The following OR5H15 variants were observed in gnomAD, a reference collection of about 807,000 sequenced individuals.
OR5H15 encodes olfactory receptor 5H15.
For missense variants in OR5H15, 405 were observed against 366.1 expected (o/e 1.11, Z -0.87); for synonymous variants, 153 against 129.1 (o/e 1.19, Z -1.26).
intron 1 of OR5H15, among the ~76,000 whole-genome samples, chr3:98,168,325 A>G (rs1003201264): frequency 6.6e-6 from 1 of 152,056 alleles, no homozygotes; most frequent in Non-Finnish European, 1.5e-5. Flanking sequence ...GATTCTTCAT[A>G]TGGCACTCAT....
Position 98,168,885 on chromosome 3 carries a change from C to T in OR5H15, c.186C>T (p.Leu62=), listed in dbSNP as rs750989678. ...DPHLHIPMYL[L]LGNLAFVDAW... is the part of the protein sequence containing the mutation. ...ACCTTCATATCCCAATGTACTTACT[C>T]CTTGGGAATTTAGCTTTTGTGGATG... The change falls in exon 2 of 2, where the codon CTC becomes CTT. Residue 62 remains leucine (L), a synonymous_variant. Coordinates refer to ENST00000641450, the MANE Select transcript of OR5H15 (RefSeq NM_001005515.2). 9 of 1,613,402 alleles carry T rather than the reference C, an allele frequency of 5.6e-6. No homozygotes were observed. The highest frequency in any genetic ancestry group is 1.1e-5 in the South Asian group (1 of 91,058).
In OR5H15 at chr3:98,168,904, G is replaced by A. The variant is rs201094282; in HGVS notation, c.205G>A (p.Val69Met). The A allele has an allele frequency of 1.2e-6, 2 of 1,613,378 alleles. No homozygotes were observed. The highest frequency in any genetic ancestry group is 1.1e-5 in the South Asian group (1 of 91,064). The change falls in exon 2 of 2, where the codon GTG becomes ATG. Residue 69 changes from valine (V) to methionine (M), a missense_variant. Val to Met is a conservative substitution (Grantham distance 21). Transcript: ENST00000641450. ...CTTACTCCTTGGGAATTTAGCTTTT[G>A]TGGATGCTTGGATATCATCCACAGT... ...MYLLLGNLAFVDAWISSTVTP... is the reference protein window; with the variant it reads ...MYLLLGNLAFMDAWISSTVTP...
At position 98,169,121 on chromosome 3, in the gene OR5H15, G is replaced by T; in HGVS notation, c.422G>T (p.Cys141Phe). The T allele has an allele frequency of 6.2e-7, 1 of 1,613,542 alleles. No homozygotes were observed. The highest frequency in any genetic ancestry group is 8.5e-7 in the Non-Finnish European group (1 of 1,179,632). Residue 141 changes from cysteine to phenylalanine, a missense_variant, in exon 2 of 2, where the codon TGC (cysteine) becomes TTC (phenylalanine). Transcript: ENST00000641450. The stretch of plus-strand genomic sequence containing the variant: ...CCAGCCATTATGACCAATGGACTGT[G>T]CATCCGGCTATTAATCTTGTCATAT... ...LYPAIMTNGL[C>F]IRLLILSYIA...
rs776010484 is a variant in OR5H15 at position 98,169,090 on chromosome 3, C to T, written c.391C>T (p.Leu131Phe). 28 of 1,613,406 alleles carry T rather than the reference C, an allele frequency of 1.7e-5. No individual in the cohort carries two copies. The highest frequency in any genetic ancestry group is 2.2e-5 in the East Asian group (1 of 44,826). Reference sequence around the variant, plus strand: ...CTATGTAGCCATATGCAAACCTTTACTTTATCCAGCCATTATGACCAATGG... The same window carrying T: ...CTATGTAGCCATATGCAAACCTTTATTTTATCCAGCCATTATGACCAATGG... ...DRYVAICKPL[L>F]YPAIMTNGLC... Residue 131 changes from leucine to phenylalanine, a missense_variant, in exon 2 of 2, where the codon CTT becomes TTT. Physicochemically the swap from Leu to Phe is conservative, Grantham distance 22 (BLOSUM62 0). Transcript: ENST00000641450.
chr3:98,168,328 G>A (rs973023248), intron 1 of OR5H15, among the ~76,000 whole-genome samples: 12 of 151,930 alleles, frequency 7.9e-5, no homozygotes, highest in African/African-American at 2.7e-4. Flanking sequence ...TCTTCATATG[G>A]CACTCATTTC....
At chr3:98,168,081 G>T (rs556117632) in intron 1 of OR5H15, among the ~76,000 whole-genome samples, 1 of 152,062 alleles carries the variant, frequency 6.6e-6, no homozygotes, top group East Asian at 1.9e-4. Flanking sequence ...TACATTGAAA[G>T]CTCACAACCT....
chr3:98,167,624 G>A (rs575627915), intron 1 of OR5H15, among the ~76,000 whole-genome samples: 12 of 151,842 alleles, frequency 7.9e-5, no homozygotes, highest in Admixed American at 3.3e-4. Context: ...TAACCTGCTC[G>A]AGTTTATTTT....
chr3:98,168,932 C>T lies in OR5H15; in HGVS notation c.233C>T (p.Thr78Ile), dbSNP rs769740072. 12 of 1,613,452 alleles carry T rather than the reference C, an allele frequency of 7.4e-6. No individual in the cohort carries two copies. The Admixed American group carries it at 1.7e-4, about 22-fold the overall frequency. ...FVDAWISSTV[T>I]PKMLNNFLAK... is the part of the protein sequence containing the mutation. ...GATGCTTGGATATCATCCACAGTGACCCCAAAGATGCTGAATAACTTCTTA... is the reference window on the plus strand; with the variant it reads ...GATGCTTGGATATCATCCACAGTGATCCCAAAGATGCTGAATAACTTCTTA... Residue 78 changes from threonine (T) to isoleucine (I), a missense_variant, in exon 2 of 2, where the codon ACC (threonine) becomes ATC (isoleucine). By Grantham distance (89) the Thr-to-Ile change is moderately conservative. Coordinates refer to ENST00000641450, the MANE Select transcript of OR5H15 (RefSeq NM_001005515.2).
rs1169055783 is a variant in OR5H15 at position 98,169,755 on chromosome 3, C to T, written c.*114C>T. On this transcript the variant is annotated 3_prime_UTR_variant, in exon 2 of 2. Coordinates refer to ENST00000641450, the MANE Select transcript of OR5H15 (RefSeq NM_001005515.2). ...TATAACTGTCCTAGCACTTTAATGA[C>T]CTAACATTTTAGTACCTAATAAACT... The T allele has an allele frequency of 2.6e-6, 2 of 762,154 alleles. No individual in the cohort carries two copies. Among genetic ancestry groups the T allele is most frequent in the South Asian group, 1.5e-5 (1 of 67,124 alleles). The allele number at this position is 762,154 out of a possible 1,614,324, so 47.2% of individuals were successfully genotyped here.
rs778382060 is a variant in OR5H15 at position 98,169,397 on chromosome 3, G to T, written c.698G>T (p.Gly233Val). The change falls in exon 2 of 2, where the codon GGT becomes GTT. Residue 233 changes from glycine to valine, a missense_variant. Gly to Val is a moderately radical substitution (Grantham distance 109). Transcript: ENST00000641450. ...FTVLEKKSDK[G>V]VRKAFSTCGA... ...GTCTTAGAAAAGAAATCTGATAAGG[G>T]TGTAAGGAAAGCCTTTTCCACCTGT... 20 of 1,613,408 alleles carry T rather than the reference G, an allele frequency of 1.2e-5. No homozygotes were observed. The highest frequency in any genetic ancestry group is 1.7e-5 in the Non-Finnish European group (20 of 1,179,646).
At position 98,168,918 on chromosome 3, in the gene OR5H15, A is replaced by G. The variant is rs1368219620; in HGVS notation, c.219A>G (p.Ile73Met). The G allele has an allele frequency of 6.2e-7, 1 of 1,613,432 alleles. No homozygotes were observed. Among genetic ancestry groups the G allele is most frequent in the Non-Finnish European group, 8.5e-7 (1 of 1,179,530 alleles). ...LGNLAFVDAW[I>M]SSTVTPKMLN... Reference sequence around the variant, plus strand: ...ATTTAGCTTTTGTGGATGCTTGGATATCATCCACAGTGACCCCAAAGATGC... The same window carrying G: ...ATTTAGCTTTTGTGGATGCTTGGATGTCATCCACAGTGACCCCAAAGATGC... The change falls in exon 2 of 2, where the codon ATA becomes ATG. Residue 73 changes from isoleucine to methionine, a missense_variant. Physicochemically the swap from Ile to Met is conservative, Grantham distance 10. Coordinates refer to ENST00000641450, the MANE Select transcript of OR5H15 (RefSeq NM_001005515.2).
Position 98,168,801 on chromosome 3 carries a change from A to G in OR5H15, c.102A>G (p.Ile34Met). 1 of 1,613,532 alleles carries G rather than the reference A, an allele frequency of 6.2e-7. No individual in the cohort carries two copies. Among genetic ancestry groups the G allele is most frequent in the Non-Finnish European group, 8.5e-7 (1 of 1,179,572 alleles). ...KIPLFLAFLV[I>M]YLITIMGNLG... The stretch of plus-strand genomic sequence containing the variant: ...CCCTGTTCTTGGCATTCTTGGTAAT[A>G]TATCTCATCACCATCATGGGGAATC... Residue 34 changes from isoleucine (I) to methionine (M), a missense_variant, in exon 2 of 2, where the codon ATA (isoleucine) becomes ATG (methionine). Ile to Met is a conservative substitution (Grantham distance 10). Transcript: ENST00000641450.
intron 1 of OR5H15, among the ~76,000 whole-genome samples, chr3:98,167,127 C>A (rs1708731174): frequency 1.3e-5 from 2 of 152,180 alleles, no homozygotes; most frequent in South Asian, 4.2e-4. Flanking sequence ...ACATTCACAT[C>A]ATAATGATTC....
Position 98,169,024 on chromosome 3 carries a change from A to G in OR5H15, c.325A>G (p.Thr109Ala). The change falls in exon 2 of 2, where the codon ACC (threonine) becomes GCC (alanine). Residue 109 changes from threonine to alanine, a missense_variant. Transcript: ENST00000641450. ...IQFFSIAIGVTTECFLLATMA... is the reference protein window; with the variant it reads ...IQFFSIAIGVATECFLLATMA... ...ATTTTTTTCCATTGCAATTGGCGTA[A>G]CCACAGAATGTTTTCTCTTGGCAAC... 1 of 1,613,648 alleles carries G rather than the reference A, an allele frequency of 6.2e-7. No homozygotes were observed. The highest frequency in any genetic ancestry group is 8.5e-7 in the Non-Finnish European group (1 of 1,179,674).
chr3:98,169,552 T>C lies in OR5H15; in HGVS notation c.853T>C (p.Leu285=), dbSNP rs1365521801. Residue 285 remains leucine (L), a synonymous_variant, in exon 2 of 2, where the codon TTA becomes CTA. Transcript: ENST00000641450. ...PLFYTVIIPL[L]NPIIYSLRNK... ...ATTCTACACTGTCATCATTCCTTTG[T>C]TAAATCCTATCATCTACAGTCTGAG... The C allele has an allele frequency of 6.2e-7, 1 of 1,612,592 alleles. No homozygotes were observed. The highest frequency in any genetic ancestry group is 1.1e-5 in the South Asian group (1 of 91,034).
At position 98,169,146 on chromosome 3, in the gene OR5H15, T is replaced by A; in HGVS notation, c.447T>A (p.Tyr149Ter). ...GCATCCGGCTATTAATCTTGTCATA[T>A]ATAGCTGGTATTCTTCATGCTTTAA... is the stretch of plus-strand genomic sequence containing the variant. ...GLCIRLLILSYIAGILHALIH... is the reference protein window; with the variant it reads ...GLCIRLLILS Residue 149 changes from tyrosine (Y) to a stop codon, truncating the protein, a stop_gained, in exon 2 of 2, where the codon TAT (tyrosine) becomes TAA (stop). Coordinates refer to ENST00000641450, the MANE Select transcript of OR5H15 (RefSeq NM_001005515.2). LOFTEE classifies it low-confidence loss of function (END_TRUNC). 1 of 1,613,576 alleles carries A rather than the reference T, an allele frequency of 6.2e-7. No homozygotes were observed. The highest frequency in any genetic ancestry group is 8.5e-7 in the Non-Finnish European group (1 of 1,179,646).
chr3:98,169,652 C>A lies in OR5H15; in HGVS notation c.*11C>A, dbSNP rs1340127772. The A allele has an allele frequency of 1.9e-6, 3 of 1,548,526 alleles. No homozygotes were observed. The highest frequency in any genetic ancestry group is 2.7e-6 in the Non-Finnish European group (3 of 1,129,942). On this transcript the variant is annotated 3_prime_UTR_variant, in exon 2 of 2. Transcript: ENST00000641450. ...AAGGTTTCATACTAATATCCTTTTTCTATTTACTAAAATAGTCACAAAATT... is the reference window on the plus strand; with the variant it reads ...AAGGTTTCATACTAATATCCTTTTTATATTTACTAAAATAGTCACAAAATT...
chr3:98,168,009 T>C (rs911169528), intron 1 of OR5H15, among the ~76,000 whole-genome samples: 1 of 152,110 alleles, frequency 6.6e-6, no homozygotes, highest in African/African-American at 2.4e-5. Context: ...AACATGCATT[T>C]GAATCACCTG....
rs773253290 is a variant in OR5H15, at chr3:98,169,427, C to A, written c.728C>A (p.Ala243Asp). The change falls in exon 2 of 2, where the codon GCC becomes GAC. Residue 243 changes from alanine to aspartate, a missense_variant. By Grantham distance (126) the Ala-to-Asp change is moderately radical. Transcript: ENST00000641450. ...AGGAAAGCCTTTTCCACCTGTGGAG[C>A]CCATCTCTTCTCTGTCTGTTTATAC... The part of the protein sequence containing the change: ...GVRKAFSTCG[A>D]HLFSVCLYYG... 5.6e-6 allele frequency: 9 copies of A among 1,613,542 alleles called. No homozygotes were observed. Among genetic ancestry groups the A allele is most frequent in the South Asian group, 5.5e-5 (5 of 91,064 alleles).
Sources: gnomAD v4.1 joint callset for allele counts (sites outside exome capture counted in the v4.1 genomes callset) on GRCh38, gnomAD v4.1.1 for gene constraint, MANE v1.5 for transcripts, NCBI Gene and HGNC (gene_info 2026-07-23, HGNC 2026-07-21) for gene names.